Variants in IMPG1 observed in about 807,000 individuals in gnomAD.
IMPG1 encodes interphotoreceptor matrix proteoglycan 1, also known as interphotoreceptor matrix proteoglycan of 150 kDa.
IMPG1 carries 85 observed loss-of-function variants against 92.0 expected under a neutral mutation model. The ratio of observed to expected loss-of-function variants is 0.92; its 90% confidence interval spans 0.78 to 1.11. The LOEUF (loss-of-function observed/expected upper bound fraction) is 1.11, where lower values mean the gene tolerates loss of function less well. IMPG1 is among the 50% of genes least tolerant of loss of function. The pLI, the probability that IMPG1 is intolerant of heterozygous loss-of-function variation, is 0.00. For synonymous variants in IMPG1, 367 were observed against 334.1 expected (o/e 1.10, Z -1.08); for missense variants, 1,022 against 956.0 (o/e 1.07, Z -0.91).
At chr6:75,993,546 A>G (rs981386817) in intron 12 of IMPG1, among the ~76,000 whole-genome samples, 1 of 152,070 alleles carries the variant, frequency 6.6e-6, no homozygotes, top group Non-Finnish European at 1.5e-5. Context: ...GAGAGAAATC[A>G]TCCCTCTTTT....
chr6:76,010,229 CAGT>C (rs1420277125), intron 8 of IMPG1, among the ~76,000 whole-genome samples: 1 of 152,188 alleles, frequency 6.6e-6, no homozygotes, highest in Non-Finnish European at 1.5e-5. Flanking sequence ...TGCTTTCAGA[CAGT>C]AGGCAGTGAA....
At chr6:76,032,855 C>T (rs375863036) in intron 4 of IMPG1, among the ~76,000 whole-genome samples, 154 of 151,918 alleles carry the variant, frequency 1.0e-3, no homozygotes, top group Non-Finnish European at 1.5e-3. Flanking sequence ...TGGTGGCAGC[C>T]GCGGAATCAT....
chr6:75,944,674 C>T (rs1197753169), intron 14 of IMPG1, among the ~76,000 whole-genome samples: 1 of 152,176 alleles, frequency 6.6e-6, no homozygotes, highest in African/African-American at 2.4e-5. Flanking sequence ...AGAGTATGAA[C>T]TATAAGTTCA....
chr6:75,965,604 T>TTC (rs1470117057), intron 12 of IMPG1, among the ~76,000 whole-genome samples: 2 of 84,418 alleles, frequency 2.4e-5, no homozygotes, highest in Non-Finnish European at 5.0e-5. Flanking sequence ...TACATACTTG[T>TTC]TCTTTTTTTT....
At chr6:76,007,530 GA>G in intron 8 of IMPG1, 30 bp from the exon 9 acceptor site, 1 of 1,510,322 alleles carries the variant, frequency 6.6e-7, no homozygotes, top group Non-Finnish European at 9.0e-7. Context: ...ATGGAAACAT[GA>G]AAAAGAGAAA....
intron 12 of IMPG1, among the ~76,000 whole-genome samples, chr6:75,974,403 TC>T (rs1334947541): frequency 8.4e-5 from 11 of 131,228 alleles, no homozygotes; most frequent in African/African-American, 2.9e-4. Flanking sequence ...TTTCTTTCTT[TC>T]CTTCCTTCCT....
At chr6:76,008,147 C>T (rs1292200360) in intron 8 of IMPG1, among the ~76,000 whole-genome samples, 2 of 152,114 alleles carry the variant, frequency 1.3e-5, no homozygotes, top group African/African-American at 4.8e-5. Flanking sequence ...AATGTAATCC[C>T]AGCTTCACAG....
intron 12 of IMPG1, among the ~76,000 whole-genome samples, chr6:75,980,115 G>A (rs914187173): frequency 3.9e-5 from 6 of 152,108 alleles, no homozygotes; most frequent in Non-Finnish European, 8.8e-5. Context: ...ACACACTTAC[G>A]GAATGGTGGA....
intron 4 of IMPG1, 102 bp from the exon 5 acceptor site, chr6:76,025,360 A>G: frequency 1.8e-6 from 1 of 551,430 alleles, no homozygotes. Context: ...CCTAAAAGTT[A>G]TAGGAAAAGC....
At chr6:75,977,611 A>AC (rs1562356444) in intron 12 of IMPG1, among the ~76,000 whole-genome samples, 10 of 149,874 alleles carry the variant, frequency 6.7e-5, no homozygotes, top group South Asian at 2.1e-4. Flanking sequence ...ACAAAAAAAA[A>AC]CCCCCAAAAA....
intron 2 of IMPG1, among the ~76,000 whole-genome samples, chr6:76,035,020 G>A (rs958111398): frequency 6.6e-6 from 1 of 151,716 alleles, no homozygotes; most frequent in Admixed American, 6.6e-5. Context: ...GTGTGTGCGT[G>A]TGTGTGTGTG....
chr6:76,032,165 C>T (rs1191162972), intron 4 of IMPG1, among the ~76,000 whole-genome samples: 4 of 152,142 alleles, frequency 2.6e-5, no homozygotes. Flanking sequence ...CTGGCAGGCA[C>T]AGGAGTAGAT....
intron 6 of IMPG1, among the ~76,000 whole-genome samples, chr6:76,021,130 C>A (rs762774157): frequency 6.6e-6 from 1 of 152,178 alleles, no homozygotes; most frequent in Non-Finnish European, 1.5e-5. Context: ...TTCAAAAGAA[C>A]CTTGGTCTAC....
chr6:75,923,617 A>AGAAAGTAT lies in IMPG1; in HGVS notation c.2316+9_2316+16dup. On this transcript the variant is annotated intron_variant, in intron 16 of 16. Transcript: ENST00000369950. ...CAAGTTTAGTAATTGCAACCAACTT[A>AGAAAGTAT]GAAAGTATGATTTTACCTTGTTATT... The AGAAAGTAT allele has an allele frequency of 7.7e-7, 1 of 1,302,336 alleles. No homozygotes were observed. Among genetic ancestry groups the AGAAAGTAT allele is most frequent in the Middle Eastern group, 1.8e-4 (1 of 5,430 alleles). The allele number at this position is 1,302,336 out of a possible 1,614,324, so 80.7% of individuals were successfully genotyped here. A position where few individuals can be genotyped will look rare whatever the true frequency, so the allele number is the denominator to read the frequency against.
At chr6:75,937,102 C>G (rs1781760202) in intron 14 of IMPG1, among the ~76,000 whole-genome samples, 1 of 151,988 alleles carries the variant, frequency 6.6e-6, no homozygotes, top group Non-Finnish European at 1.5e-5. Flanking sequence ...GAGACAGGGC[C>G]AGGGATGTAG....
chr6:75,970,801 G>A (rs1180988461), intron 12 of IMPG1, among the ~76,000 whole-genome samples: 1 of 152,274 alleles, frequency 6.6e-6, no homozygotes, highest in South Asian at 2.1e-4. Context: ...CTATTGAAAA[G>A]GTTGTGTTTT....
chr6:76,036,831 T>C (rs1317052484), intron 2 of IMPG1, among the ~76,000 whole-genome samples: 1 of 22,796 alleles, frequency 4.4e-5, no homozygotes, highest in Non-Finnish European at 1.2e-4. Context: ...AAAGATCCAA[T>C]TCTAGTTTTA....
chr6:75,990,912 G>A (rs1029490315), intron 12 of IMPG1, among the ~76,000 whole-genome samples: 2 of 152,160 alleles, frequency 1.3e-5, no homozygotes, highest in African/African-American at 4.8e-5. Flanking sequence ...GGACTTCGAA[G>A]ATGTCACTTT....
At chr6:75,999,960 G>A (rs747653903) in intron 12 of IMPG1, among the ~76,000 whole-genome samples, 4 of 152,156 alleles carry the variant, frequency 2.6e-5, no homozygotes, top group Non-Finnish European at 4.4e-5. Context: ...ACATGTCCAG[G>A]GAGGGCCTTA....
Sources: allele counts gnomAD v4.1 joint callset (sites outside exome capture counted in the v4.1 genomes callset), GRCh38; gene constraint gnomAD v4.1.1; transcripts MANE v1.5; gene names NCBI Gene and HGNC (gene_info 2026-07-23, HGNC 2026-07-21).